PPM1B: variants seen among roughly 807,000 people sequenced by gnomAD.
The protein encoded by PPM1B is protein phosphatase 1B.
PPM1B carries 22 observed loss-of-function variants against 43.0 expected under a neutral mutation model. That is an observed-to-expected ratio of 0.51 (90% CI 0.37 to 0.73). PPM1B has a LOEUF of 0.73. PPM1B is among the 30% of genes least tolerant of loss of function. PPM1B has a pLI of 0.00. For missense variants in PPM1B, 632 were observed against 584.2 expected (o/e 1.08, Z -0.84); for synonymous variants, 217 against 197.9 (o/e 1.10, Z -0.81).
intron 5 of PPM1B, among the ~76,000 whole-genome samples, chr2:44,224,673 A>G (rs191377051): frequency 2.8e-5 from 4 of 143,248 alleles, no homozygotes; most frequent in Admixed American, 1.5e-4. Flanking sequence ...CTTTTAAGCT[A>G]TGTTAGTCTA....
chr2:44,232,797 G>C (rs1670505387), downstream of PPM1B: 1 of 984,114 alleles, frequency 1.0e-6, no homozygotes, highest in Non-Finnish European at 1.2e-6. Context: ...GCCTTTTGCA[G>C]CTCTGTGGCT....
chr2:44,181,962 A>C (rs901498334), intron 1 of PPM1B, among the ~76,000 whole-genome samples: 1 of 152,188 alleles, frequency 6.6e-6, no homozygotes, highest in Admixed American at 6.6e-5. Context: ...AAAAAAGAAT[A>C]AAGTTTTTTT....
chr2:44,188,364 T>G (rs1209608607), intron 1 of PPM1B, among the ~76,000 whole-genome samples: 2 of 151,680 alleles, frequency 1.3e-5, no homozygotes, highest in Non-Finnish European at 2.9e-5. Flanking sequence ...TATCATGGCT[T>G]TAGTGCTGCT....
At position 44,231,316 on chromosome 2, in the gene PPM1B, A is replaced by C. The variant is rs1215805890; in HGVS notation, c.*598A>C. ...TTCCTTTCTCTGTATTCTTTATGAA[A>C]CATAACTTTTGAAAAACCTATGTAT... On this transcript the variant is annotated 3_prime_UTR_variant, in exon 6 of 6. Transcript: ENST00000282412. 1 of 980,414 alleles carries C rather than the reference A, an allele frequency of 1.0e-6. No individual in the cohort carries two copies. Among genetic ancestry groups the C allele is most frequent in the Non-Finnish European group, 1.2e-6 (1 of 825,528 alleles). The allele number at this position is 980,414 out of a possible 1,614,324, so 60.7% of individuals were successfully genotyped here.
intron 3 of PPM1B, among the ~76,000 whole-genome samples, chr2:44,212,367 A>G (rs1260781871): frequency 6.6e-6 from 1 of 152,138 alleles, no homozygotes; most frequent in African/African-American, 2.4e-5. Flanking sequence ...TCCTCACTCC[A>G]AATTGCCCAT....
chr2:44,175,144 C>T (rs1361562843), intron 1 of PPM1B, among the ~76,000 whole-genome samples: 1 of 152,118 alleles, frequency 6.6e-6, no homozygotes, highest in African/African-American at 2.4e-5. Context: ...ATCCTAGCTA[C>T]TCAGGAGGCT....
chr2:44,218,756 G>A, intron 5 of PPM1B: 1 of 467,146 alleles, frequency 2.1e-6, no homozygotes, highest in South Asian at 2.2e-5. Context: ...TCACTTTCTG[G>A]GCATCAAATG....
At chr2:44,203,483 G>A (rs1417247946) in intron 2 of PPM1B, among the ~76,000 whole-genome samples, 11 of 151,942 alleles carry the variant, frequency 7.2e-5, no homozygotes, top group Admixed American at 7.2e-4. Context: ...TAAAAAAAAG[G>A]TATATACTTA....
intron 5 of PPM1B, among the ~76,000 whole-genome samples, chr2:44,224,841 T>G (rs982857401): frequency 2.6e-5 from 4 of 152,224 alleles, no homozygotes; most frequent in Non-Finnish European, 5.9e-5. Flanking sequence ...TTATTAATTT[T>G]ACTATATTAA....
intron 2 of PPM1B, among the ~76,000 whole-genome samples, chr2:44,205,374 T>TGTGTGTGTGTGTGTGTGTGGGTGTGTGG (rs1553333054): frequency 1.5e-4 from 23 of 151,352 alleles, no homozygotes; most frequent in African/African-American, 5.6e-4. Context: ...TGTGTGTGTG[T>TGTGTGTGTGTGTGTGTGTGGGTGTGTGG]GTGTGTAAGT....
chr2:44,246,879 T>C (rs183036093), downstream of PPM1B, among the ~76,000 whole-genome samples: 394 of 152,306 alleles, frequency 2.6e-3, 1 homozygote, highest in African/African-American at 8.8e-3. Flanking sequence ...TACCTCTGCC[T>C]TTTTATTCTG....
chr2:44,199,644 A>T (rs1286583869), intron 1 of PPM1B, among the ~76,000 whole-genome samples: 1 of 152,236 alleles, frequency 6.6e-6, no homozygotes. Flanking sequence ...CAGAGAATTA[A>T]ACCAGCATGT....
In PPM1B at chr2:44,214,270, G is replaced by A. The variant is rs138769267; in HGVS notation, c.965-3697G>A. Among the ~76,000 whole-genome samples the A allele has an allele frequency of 7.4e-3, 1,124 of 152,162 alleles. 10 individuals are homozygous for A. The highest frequency in any genetic ancestry group is 0.026 in the African/African-American group (1,065 of 41,530). On this transcript the variant is annotated intron_variant, in intron 3 of 5. Transcript: ENST00000282412. ...AATTTTTTGTATTTTTAGTAGAGAT[G>A]GGGTTTCACTGTATTAGCTCAATCT...
intron 3 of PPM1B, among the ~76,000 whole-genome samples, chr2:44,209,864 T>TGTCTTGGA (rs1219553029): frequency 1.3e-5 from 2 of 152,200 alleles, no homozygotes; most frequent in Admixed American, 1.3e-4. Flanking sequence ...TAAAATTTAC[T>TGTCTTGGA]GTCTTGGACC....
intron 1 of PPM1B, among the ~76,000 whole-genome samples, chr2:44,194,969 G>T (rs966490990): frequency 7.0e-6 from 1 of 143,194 alleles, no homozygotes; most frequent in African/African-American, 2.6e-5. Context: ...CGCAATCACT[G>T]CAGCCTCCAC....
At chr2:44,226,245 G>A (rs559156017) in intron 5 of PPM1B, among the ~76,000 whole-genome samples, 2 of 152,198 alleles carry the variant, frequency 1.3e-5, no homozygotes, top group African/African-American at 4.8e-5. Context: ...AAAGTGCTGG[G>A]ATTACAGACC....
At chr2:44,211,344 A>G (rs753552359) in intron 3 of PPM1B, among the ~76,000 whole-genome samples, 1 of 151,922 alleles carries the variant, frequency 6.6e-6, no homozygotes, top group Non-Finnish European at 1.5e-5. Flanking sequence ...TGACCTTGAC[A>G]TTTTTCAAGA....
At chr2:44,245,517 T>C (rs112032374), downstream of PPM1B, among the ~76,000 whole-genome samples, 6 of 152,228 alleles carry the variant, frequency 3.9e-5, no homozygotes, top group Admixed American at 3.9e-4. Context: ...AGAGATGTAG[T>C]TGATCTGAGT....
rs1042774413 is a variant in PPM1B, at chr2:44,169,246, C to G, written c.-43C>G. Reference sequence around the variant, plus strand: ...CCGCGGCGGGCGCGAGCGAGGCGCCCTAGACATCTTCTCCCTCCCTTGCCT... The same window carrying G: ...CCGCGGCGGGCGCGAGCGAGGCGCCGTAGACATCTTCTCCCTCCCTTGCCT... On this transcript the variant is annotated 5_prime_UTR_variant, in exon 1 of 6. Coordinates refer to ENST00000282412, the MANE Select transcript of PPM1B (RefSeq NM_002706.6). The G allele has an allele frequency of 3.1e-4, 48 of 154,130 alleles. No homozygotes were observed. Among genetic ancestry groups the G allele is most frequent in the African/African-American group, 1.2e-3 (48 of 41,576 alleles). 9.5% of individuals were successfully genotyped at this position (154,130 alleles called of 1,614,324 possible).
Sources: gnomAD v4.1 joint callset for allele counts (sites outside exome capture counted in the v4.1 genomes callset) on GRCh38, gnomAD v4.1.1 for gene constraint, MANE v1.5 for transcripts, NCBI Gene and HGNC (gene_info 2026-07-23, HGNC 2026-07-21) for gene names.